MED13L: variants seen among roughly 807,000 people sequenced by gnomAD.
MED13L encodes the protein mediator complex subunit 13L.
MED13L carries 7 observed loss-of-function variants against 220.9 expected under a neutral mutation model. That is an observed-to-expected ratio of 0.03 (90% confidence interval 0.02 to 0.06). MED13L has a LOEUF of 0.06. Among genes scored for constraint, MED13L ranks in the 10% least tolerant of loss-of-function variants. The pLI, the probability that MED13L is intolerant of heterozygous loss-of-function variation, is 1.00. For missense variants in MED13L, 1,965 were observed against 2,760.5 expected (o/e 0.71, Z 6.46); for synonymous variants, 1,011 against 1,015.2 (o/e 1.00, Z 0.08).
intron 4 of MED13L, among the ~76,000 whole-genome samples, chr12:116,093,620 C>T (rs191696899): frequency 1.2e-4 from 18 of 151,866 alleles, no homozygotes; most frequent in South Asian, 2.1e-4. Context: ...CTAAAATATG[C>T]AGTATGAGAA....
intron 1 of MED13L, among the ~76,000 whole-genome samples, chr12:116,239,907 G>C (rs928937475): frequency 6.6e-6 from 1 of 152,068 alleles, no homozygotes; most frequent in Non-Finnish European, 1.5e-5. Context: ...GATCAGATGG[G>C]GCCACCATTC....
intron 2 of MED13L, among the ~76,000 whole-genome samples, chr12:116,170,989 T>C (rs1419769234): frequency 6.6e-6 from 1 of 152,262 alleles, no homozygotes; most frequent in East Asian, 1.9e-4. Context: ...TGTTTGCTGT[T>C]ACTGCCTTGA....
chr12:116,258,638 A>G (rs1444904621), intron 1 of MED13L, among the ~76,000 whole-genome samples: 2 of 152,150 alleles, frequency 1.3e-5, no homozygotes, highest in South Asian at 2.1e-4. Context: ...TTAGCCTGGC[A>G]TGGTGGCATG....
In MED13L at chr12:116,210,298, C is replaced by T. The variant is rs375284532; in HGVS notation, c.310+27170G>A. The stretch of plus-strand genomic sequence containing the variant: ...GACTATACGTCTGGATCTGCAGCTA[C>T]ATTCAAGAAAAGTCAACTGCTTTGA... On this transcript the variant is annotated intron_variant, in intron 2 of 30. Transcript: ENST00000281928. 5.3e-5 allele frequency among the ~76,000 whole-genome samples: 8 copies of T among 152,090 alleles called. No individual in the cohort carries two copies. The East Asian group carries it at 1.4e-3, about 26-fold the overall frequency.
At chr12:116,222,226 A>G (rs1177539384) in intron 2 of MED13L, among the ~76,000 whole-genome samples, 1 of 152,226 alleles carries the variant, frequency 6.6e-6, no homozygotes, top group African/African-American at 2.4e-5. Context: ...CATAAAATAA[A>G]GACATAATTT....
At chr12:116,252,887 A>C (rs1871683101) in intron 1 of MED13L, among the ~76,000 whole-genome samples, 1 of 152,160 alleles carries the variant, frequency 6.6e-6, no homozygotes, top group Non-Finnish European at 1.5e-5. Flanking sequence ...TGTGCCAATA[A>C]ATAAAACTCA....
At chr12:116,085,727 C>CTATAGTA (rs57508480) in intron 4 of MED13L, among the ~76,000 whole-genome samples, 29,793 of 149,302 alleles carry the variant, frequency 0.2, 2,955 homozygotes, top group Middle Eastern at 0.27. Flanking sequence ...TTCTCATCTT[C>CTATAGTA]TAAATTCAAG....
At chr12:116,221,307 T>C (rs1030663689) in intron 2 of MED13L, among the ~76,000 whole-genome samples, 15 of 150,752 alleles carry the variant, frequency 1.0e-4, no homozygotes, top group African/African-American at 2.9e-4. Context: ...CCAGGAAGTC[T>C]AGATTGCAGT....
At chr12:115,985,170 C>A (rs1211160293) in intron 19 of MED13L, among the ~76,000 whole-genome samples, 1 of 152,160 alleles carries the variant, frequency 6.6e-6, no homozygotes, top group Non-Finnish European at 1.5e-5. Flanking sequence ...TTAAAAAGAT[C>A]TGGCAGTGCT....
intron 2 of MED13L, among the ~76,000 whole-genome samples, chr12:116,177,115 T>C (rs1880129385): frequency 1.3e-5 from 2 of 152,226 alleles, no homozygotes; most frequent in African/African-American, 4.8e-5. Flanking sequence ...TTTCACAAAG[T>C]GAACACACCT....
intron 2 of MED13L, among the ~76,000 whole-genome samples, chr12:116,123,380 T>G (rs1178154393): frequency 6.6e-6 from 1 of 152,210 alleles, no homozygotes; most frequent in African/African-American, 2.4e-5. Flanking sequence ...GACATGTGAT[T>G]CAGTTAGAAC....
Position 116,140,399 on chromosome 12 carries a change from T to C in MED13L, c.311-28887A>G, listed in dbSNP as rs538104268. Reference sequence around the variant, plus strand: ...CTATTGAATCTATCTTCAGGATTCATTACCAGTGTTACTGTTTGTTCTAGC... The same window carrying C: ...CTATTGAATCTATCTTCAGGATTCACTACCAGTGTTACTGTTTGTTCTAGC... On this transcript the variant is annotated intron_variant, in intron 2 of 30. Coordinates refer to ENST00000281928, the MANE Select transcript of MED13L (RefSeq NM_015335.5). 2.4e-4 allele frequency among the ~76,000 whole-genome samples: 36 copies of C among 152,344 alleles called. No individual in the cohort carries two copies. In the East Asian group the frequency reaches 5.0e-3, roughly 21 times the overall value.
chr12:116,003,515 T>G lies in MED13L; in HGVS notation c.2470-413A>C, dbSNP rs146481275. 2.2e-3 allele frequency among the ~76,000 whole-genome samples: 338 copies of G among 152,136 alleles called. 1 individual carries two copies. The highest frequency in any genetic ancestry group is 7.9e-3 in the African/African-American group (326 of 41,480). ...TCCAATTCTTTTTTTTTTTTTGCAT[T>G]TATCACAACAAACTATGTATCTTCT... is the stretch of plus-strand genomic sequence containing the variant. On this transcript the variant is annotated intron_variant, in intron 13 of 30. Transcript: ENST00000281928.
intron 13 of MED13L, among the ~76,000 whole-genome samples, 167 bp from the exon 14 acceptor site, chr12:116,003,269 G>T (rs534441040): frequency 1.3e-5 from 2 of 152,332 alleles, no homozygotes; most frequent in African/African-American, 4.8e-5. Flanking sequence ...ATGGTTACAA[G>T]CTTATCAAGT....
chr12:116,238,380 C>G (rs371656572), intron 1 of MED13L, among the ~76,000 whole-genome samples: 1 of 152,174 alleles, frequency 6.6e-6, no homozygotes, highest in East Asian at 1.9e-4. Flanking sequence ...TTGCAACCAG[C>G]AGAGAACAAA....
chr12:116,051,754 T>G lies in MED13L; in HGVS notation c.480-29153A>C, dbSNP rs1001586354. Among the ~76,000 whole-genome samples, 8 of 152,164 alleles carry G rather than the reference T, an allele frequency of 5.3e-5. 1 individual carries two copies. The highest frequency in any genetic ancestry group is 3.3e-4 in the Admixed American group (5 of 15,276). On this transcript the variant is annotated intron_variant, in intron 4 of 30. Transcript: ENST00000281928. ...AATAATTTTGTCTGTGAAACAAAGTTTTGACTGTGACCCATCTCATGAAGT... is the reference window on the plus strand; with the variant it reads ...AATAATTTTGTCTGTGAAACAAAGTGTTGACTGTGACCCATCTCATGAAGT...
chr12:116,096,497 T>G (rs933106483), intron 4 of MED13L, among the ~76,000 whole-genome samples, 172 bp downstream of exon 4: 1 of 151,870 alleles, frequency 6.6e-6, no homozygotes, highest in African/African-American at 2.4e-5. Context: ...CTAATCAATC[T>G]TTAATATTGA....
intron 2 of MED13L, among the ~76,000 whole-genome samples, chr12:116,152,761 T>A (rs1800364234): frequency 6.6e-6 from 1 of 152,172 alleles, no homozygotes; most frequent in South Asian, 2.1e-4. Context: ...AAATGCATGC[T>A]AAAATACGAT....
intron 2 of MED13L, among the ~76,000 whole-genome samples, chr12:116,205,380 C>T (rs1882246225): frequency 6.6e-6 from 1 of 150,612 alleles, no homozygotes; most frequent in Non-Finnish European, 1.5e-5. Flanking sequence ...CAGAACTAGT[C>T]CTCTTCTCAT....
Sources: allele counts gnomAD v4.1 joint callset (sites outside exome capture counted in the v4.1 genomes callset), GRCh38; gene constraint gnomAD v4.1.1; transcripts MANE v1.5; gene names NCBI Gene and HGNC (gene_info 2026-07-23, HGNC 2026-07-21).